Variants in DPP10 observed in about 807,000 individuals in gnomAD.
DPP10 encodes the protein dipeptidyl peptidase like 10.
Under a neutral mutation model 120.9 loss-of-function variants are expected in DPP10, and 33 were observed. The observed-to-expected ratio is 0.27, with a 90% confidence interval of 0.21 to 0.37. The LOEUF is 0.37. DPP10 is among the 10% of genes least tolerant of loss of function. The pLI, the probability that DPP10 is intolerant of heterozygous loss-of-function variation, is 1.00. For synonymous variants in DPP10, 337 were observed against 326.1 expected (o/e 1.03, Z -0.36); for missense variants, 816 against 942.8 (o/e 0.87, Z 1.76).
intron 3 of DPP10, among the ~76,000 whole-genome samples, chr2:115,400,441 TGC>T (rs1402656233): frequency 6.6e-6 from 1 of 151,614 alleles, no homozygotes; most frequent in Non-Finnish European, 1.5e-5. Context: ...CAAGTACAGA[TGC>T]TTCTAGACTT....
chr2:114,808,104 T>G (rs1684888704), intron 1 of DPP10, among the ~76,000 whole-genome samples: 1 of 152,184 alleles, frequency 6.6e-6, no homozygotes, highest in Non-Finnish European at 1.5e-5. Flanking sequence ...TGAACACACG[T>G]CCTTTTATGA....
At chr2:115,746,301 G>A in intron 10 of DPP10, 118 bp downstream of exon 10, 2 of 904,720 alleles carry the variant, frequency 2.2e-6, no homozygotes, top group Non-Finnish European at 3.5e-6. Flanking sequence ...AAATAAAGCT[G>A]AAGTTGCCTA....
At chr2:115,448,237 A>C (rs2072793981) in intron 3 of DPP10, among the ~76,000 whole-genome samples, 2 of 152,166 alleles carry the variant, frequency 1.3e-5, no homozygotes, top group African/African-American at 4.8e-5. Flanking sequence ...GATCTCCCTT[A>C]GAGACTCGGG....
At chr2:114,683,505 C>T (rs1275629202) in intron 1 of DPP10, among the ~76,000 whole-genome samples, 1 of 147,066 alleles carries the variant, frequency 6.8e-6, no homozygotes, top group Non-Finnish European at 1.5e-5. Context: ...CCTTCCCTTT[C>T]CTTCCCTCTC....
chr2:115,051,283 A>G (rs974956644), intron 1 of DPP10, among the ~76,000 whole-genome samples: 1 of 152,224 alleles, frequency 6.6e-6, no homozygotes, highest in African/African-American at 2.4e-5. Context: ...ATAACAATGT[A>G]TCACCAAATA....
chr2:115,677,397 AAAATGATAGGAGT>A (rs148563780), intron 5 of DPP10, among the ~76,000 whole-genome samples: 20,869 of 152,072 alleles, frequency 0.14, 1,557 homozygotes, highest in Non-Finnish European at 0.16. Context: ...AACAATGTAA[AAAATGATAGGAGT>A]AAGTTTTTCC....
chr2:115,271,820 A>G (rs915623209), intron 1 of DPP10, among the ~76,000 whole-genome samples: 14 of 152,126 alleles, frequency 9.2e-5, no homozygotes, highest in Non-Finnish European at 1.9e-4. Flanking sequence ...AATATTCTAA[A>G]AAATGTAAAA....
chr2:115,267,161 C>A (rs1302428203), intron 1 of DPP10, among the ~76,000 whole-genome samples: 1 of 152,060 alleles, frequency 6.6e-6, no homozygotes, highest in Non-Finnish European at 1.5e-5. Context: ...AGGAATTGTT[C>A]TTGTGTCTTC....
Position 115,777,203 on chromosome 2 carries a change from T to C in DPP10, c.1222-5T>C. 1 of 1,612,046 alleles carries C rather than the reference T, an allele frequency of 6.2e-7. No homozygotes were observed. Among genetic ancestry groups the C allele is most frequent in the Non-Finnish European group, 8.5e-7 (1 of 1,178,640 alleles). ...GGAAAATCAATATTTTCTATTTCTT[T>C]GCAGAGTAAAAGTGAGCAAATTACC... is the stretch of plus-strand genomic sequence containing the variant. On this transcript the variant is annotated splice_region_variant and splice_polypyrimidine_tract_variant and intron_variant, in intron 13 of 25. Coordinates refer to ENST00000410059, the MANE Select transcript of DPP10 (RefSeq NM_020868.6).
At chr2:115,120,954 T>C (rs982992830) in intron 1 of DPP10, among the ~76,000 whole-genome samples, 2 of 152,228 alleles carry the variant, frequency 1.3e-5, no homozygotes, top group African/African-American at 2.4e-5. Context: ...GTGCAAGTAC[T>C]ACGAAGAGGG....
At chr2:115,075,843 T>A (rs1251837723) in intron 1 of DPP10, among the ~76,000 whole-genome samples, 2 of 152,194 alleles carry the variant, frequency 1.3e-5, no homozygotes, top group Non-Finnish European at 2.9e-5. Flanking sequence ...TGAGTCCATT[T>A]AAAACTCATA....
At chr2:115,678,725 C>T (rs1286890580) in intron 5 of DPP10, among the ~76,000 whole-genome samples, 1 of 152,182 alleles carries the variant, frequency 6.6e-6, no homozygotes, top group Non-Finnish European at 1.5e-5. Context: ...CAGCTTGCAC[C>T]GTGCACCTGG....
chr2:114,791,802 G>A (rs574457414), intron 1 of DPP10, among the ~76,000 whole-genome samples: 16 of 152,160 alleles, frequency 1.1e-4, no homozygotes, highest in South Asian at 2.1e-4. Context: ...TACATAGGAG[G>A]TGGGCATATT....
intron 3 of DPP10, among the ~76,000 whole-genome samples, chr2:115,415,017 G>C (rs1391619232): frequency 6.6e-6 from 1 of 152,164 alleles, no homozygotes; most frequent in Non-Finnish European, 1.5e-5. Flanking sequence ...TGAAGGCTTC[G>C]TCATTATCTT....
At chr2:114,945,586 G>A (rs1178457096) in intron 1 of DPP10, among the ~76,000 whole-genome samples, 1 of 152,156 alleles carries the variant, frequency 6.6e-6, no homozygotes. Flanking sequence ...AGGCCGAGGC[G>A]GGTGGATCAC....
chr2:114,805,784 A>T lies in DPP10; in HGVS notation c.60+362946A>T, dbSNP rs1363128434. Among the ~76,000 whole-genome samples, 2 of 152,178 alleles carry T rather than the reference A, an allele frequency of 1.3e-5. 1 individual carries two copies. Among genetic ancestry groups the T allele is most frequent in the East Asian group, 3.9e-4 (2 of 5,180 alleles). On this transcript the variant is annotated intron_variant, in intron 1 of 25. Coordinates refer to ENST00000410059, the MANE Select transcript of DPP10 (RefSeq NM_020868.6). ...TCCTATGCCAGAGAGAAAGGAAACT[A>T]TTTCAAGGACAATTAAATGCTTGAC...
chr2:115,709,183 C>T (rs923496181), intron 7 of DPP10, among the ~76,000 whole-genome samples: 1 of 152,050 alleles, frequency 6.6e-6, no homozygotes, highest in Non-Finnish European at 1.5e-5. Flanking sequence ...CTAAGGGCAA[C>T]TGTAGTGGAG....
intron 1 of DPP10, among the ~76,000 whole-genome samples, chr2:115,259,919 C>T (rs929380500): frequency 6.6e-6 from 1 of 151,806 alleles, no homozygotes; most frequent in African/African-American, 2.4e-5. Flanking sequence ...TTTAGTATAT[C>T]TAATAGTCGT....
intron 1 of DPP10, among the ~76,000 whole-genome samples, chr2:114,658,808 T>C (rs559816779): frequency 6.6e-6 from 1 of 152,308 alleles, no homozygotes; most frequent in Admixed American, 6.5e-5. Context: ...AATGTGAGCA[T>C]ACACTGATTG....
Sources: allele counts gnomAD v4.1 joint callset (sites outside exome capture counted in the v4.1 genomes callset), GRCh38; gene constraint gnomAD v4.1.1; transcripts MANE v1.5; gene names NCBI Gene and HGNC (gene_info 2026-07-23, HGNC 2026-07-21).